Variants in FAP observed in about 807,000 individuals in gnomAD.
FAP encodes fibroblast activation protein alpha, also known as prolyl endopeptidase FAP.
FAP carries 110 observed loss-of-function variants against 126.5 expected under a neutral mutation model. The ratio of observed to expected loss-of-function variants is 0.87; its 90% CI spans 0.74 to 1.02. FAP has a LOEUF of 1.02. Ranked by LOEUF, FAP falls within the 50% of genes least tolerant of loss-of-function variation. FAP has a pLI of 0.00. For missense variants in FAP, 919 were observed against 909.2 expected (o/e 1.01, Z -0.14); for synonymous variants, 334 against 297.3 (o/e 1.12, Z -1.27).
At chr2:162,203,333 CA>C (rs1576163668) in intron 12 of FAP, among the ~76,000 whole-genome samples, 188 bp from the exon 13 acceptor site, 1 of 152,180 alleles carries the variant, frequency 6.6e-6, no homozygotes, top group African/African-American at 2.4e-5. Flanking sequence ...GTGATTCTGA[CA>C]GGCACTTGAA....
chr2:162,242,334 A>G lies in FAP; in HGVS notation c.91+574T>C, dbSNP rs183635336. On this transcript the variant is annotated intron_variant, in intron 2 of 25. Coordinates refer to ENST00000188790, the MANE Select transcript of FAP (RefSeq NM_004460.5). ...TAAGCCTTTTTTGTAAAAGGATCCA[A>G]TTTATGACTGATCAAAATGCTTGCT... Among the ~76,000 whole-genome samples the G allele has an allele frequency of 5.9e-5, 9 of 152,300 alleles. No homozygotes were observed. The East Asian group carries it at 1.7e-3, about 29-fold the overall frequency.
At chr2:162,191,885 A>C (rs148587603) in intron 17 of FAP, among the ~76,000 whole-genome samples, 8 of 152,246 alleles carry the variant, frequency 5.3e-5, no homozygotes, top group African/African-American at 1.9e-4. Context: ...TGCAGGGAAA[A>C]TGAAGCCACT....
intron 6 of FAP, among the ~76,000 whole-genome samples, chr2:162,221,319 C>A (rs1689386274): frequency 6.6e-6 from 1 of 152,066 alleles, no homozygotes; most frequent in Non-Finnish European, 1.5e-5. Context: ...TTCTTGAGGC[C>A]AGGAGTTCGA....
chr2:162,225,439 G>A, intron 4 of FAP, 44 bp downstream of exon 4: 1 of 1,575,380 alleles, frequency 6.3e-7, no homozygotes, highest in Non-Finnish European at 8.6e-7. Flanking sequence ...TCAATGAAGA[G>A]TGGGCAAAGG....
intron 2 of FAP, among the ~76,000 whole-genome samples, chr2:162,238,997 A>G (rs1690243543): frequency 6.6e-6 from 1 of 152,342 alleles, no homozygotes; most frequent in South Asian, 2.1e-4. Flanking sequence ...AATAATCACT[A>G]CATATTATAT....
chr2:162,176,308 A>G (rs1383459430), intron 21 of FAP: 1 of 152,186 alleles, frequency 6.6e-6, no homozygotes, highest in Non-Finnish European at 1.5e-5. Context: ...TTCTCAAACT[A>G]ATTTACAGTT....
chr2:162,174,811 A>G, intron 22 of FAP, 56 bp downstream of exon 22: 1 of 1,211,352 alleles, frequency 8.3e-7, no homozygotes. Context: ...AACATCAGAT[A>G]TAGAGTAATT....
chr2:162,210,506 AATAGC>A (rs1688886265), intron 11 of FAP, among the ~76,000 whole-genome samples: 1 of 152,232 alleles, frequency 6.6e-6, no homozygotes, highest in South Asian at 2.1e-4. Flanking sequence ...AGGTAAAATA[AATAGC>A]ATAGAGACCA....
At chr2:162,215,733 A>T (rs989147635) in intron 10 of FAP, among the ~76,000 whole-genome samples, 165 bp downstream of exon 10, 1 of 152,220 alleles carries the variant, frequency 6.6e-6, no homozygotes, top group Non-Finnish European at 1.5e-5. Flanking sequence ...AAAAGGGCTA[A>T]TTTTGAAAAA....
At chr2:162,192,287 C>A (rs534955033) in intron 17 of FAP, among the ~76,000 whole-genome samples, 1 of 152,212 alleles carries the variant, frequency 6.6e-6, no homozygotes, top group East Asian at 1.9e-4. Flanking sequence ...TAATGTCAAT[C>A]TCCCTCTTGC....
intron 6 of FAP, chr2:162,221,544 C>A: frequency 2.7e-6 from 1 of 366,180 alleles, no homozygotes; most frequent in Non-Finnish European, 5.4e-6. Context: ...AATAAGAAGA[C>A]ATTCTTCACC....
chr2:162,219,276 G>A, intron 7 of FAP, 93 bp from the exon 8 acceptor site: 1 of 1,194,594 alleles, frequency 8.4e-7, no homozygotes, highest in Non-Finnish European at 1.1e-6. Context: ...AAACAGAGTG[G>A]TAATAAAGAT....
intron 21 of FAP, 126 bp downstream of exon 21, chr2:162,183,288 G>A: frequency 1.3e-6 from 1 of 791,238 alleles, no homozygotes; most frequent in Non-Finnish European, 2.1e-6. Flanking sequence ...CAAACTGACT[G>A]TTTCCATTGA....
In FAP at chr2:162,174,970, T is replaced by C. The variant is rs200819193; in HGVS notation, c.1870-4A>G. 1.2e-6 allele frequency: 2 copies of C among 1,600,218 alleles called. No homozygotes were observed. Among genetic ancestry groups the C allele is most frequent in the Non-Finnish European group, 1.7e-6 (2 of 1,168,134 alleles). The stretch of plus-strand genomic sequence containing the variant: ...ATGAAACGTATCCTCCATAGGACTG[T>C]AGAGACATTGTTATGAGTCAGACTC... On this transcript the variant is annotated splice_region_variant and splice_polypyrimidine_tract_variant and intron_variant, in intron 21 of 25. Transcript: ENST00000188790.
chr2:162,185,583 G>A (rs972801485), intron 20 of FAP, among the ~76,000 whole-genome samples: 2 of 152,144 alleles, frequency 1.3e-5, no homozygotes, highest in African/African-American at 2.4e-5. Context: ...ATAGATAGAA[G>A]TTATAAGACG....
intron 25 of FAP, chr2:162,171,809 C>T (rs747242022): frequency 7.9e-5 from 12 of 151,780 alleles, no homozygotes; most frequent in Non-Finnish European, 1.5e-5. Flanking sequence ...AGTTGTGTAT[C>T]TTTTTGGGGG....
rs1689363604 is a variant in FAP at position 162,220,955 on chromosome 2, C to T, written c.414-1030G>A. ...GCCCAACCCCTCCAAAAAAAGCTCT[C>T]CAACCTGGAGCTAACATGTGCCTGA... On this transcript the variant is annotated intron_variant, in intron 6 of 25. Transcript: ENST00000188790. 2.6e-5 allele frequency among the ~76,000 whole-genome samples: 4 copies of T among 152,290 alleles called. 1 individual carries two copies. In the South Asian group the frequency reaches 8.3e-4, roughly 32 times the overall value.
chr2:162,172,355 CA>C, intron 25 of FAP: 1 of 157,096 alleles, frequency 6.4e-6, no homozygotes, highest in East Asian at 1.8e-4. Flanking sequence ...GATGAGAATA[CA>C]TAGGTGAAAA....
chr2:162,195,543 C>A (rs531776807), intron 16 of FAP, among the ~76,000 whole-genome samples: 27 of 151,590 alleles, frequency 1.8e-4, no homozygotes, highest in Non-Finnish European at 3.1e-4. Flanking sequence ...GGTTGGGGGG[C>A]GTGCTCAGCT....
Sources: allele counts gnomAD v4.1 joint callset (sites outside exome capture counted in the v4.1 genomes callset), GRCh38; gene constraint gnomAD v4.1.1; transcripts MANE v1.5; gene names NCBI Gene and HGNC (gene_info 2026-07-23, HGNC 2026-07-21).